Variants in SLC13A3 observed in about 807,000 individuals in gnomAD.
SLC13A3 encodes solute carrier family 13 member 3.
A neutral mutation model predicts 59.0 loss-of-function variants in SLC13A3; 40 were observed. That is an observed-to-expected ratio of 0.68 (90% CI 0.53 to 0.88). The LOEUF (loss-of-function observed/expected upper bound fraction) is 0.88. Among genes scored for constraint, SLC13A3 ranks in the 40% least tolerant of loss-of-function variants. SLC13A3 has a pLI of 0.00. For synonymous variants in SLC13A3, 317 were observed against 330.3 expected (o/e 0.96, Z 0.44); for missense variants, 699 against 783.2 (o/e 0.89, Z 1.28).
intron 1 of SLC13A3, among the ~76,000 whole-genome samples, chr20:46,627,999 A>G (rs1375941647): frequency 6.6e-6 from 1 of 152,180 alleles, no homozygotes; most frequent in Non-Finnish European, 1.5e-5. Context: ...AGGTGGATCC[A>G]TGATTTTACT....
intron 1 of SLC13A3, among the ~76,000 whole-genome samples, chr20:46,644,304 T>C (rs892862939): frequency 5.3e-5 from 8 of 152,144 alleles, no homozygotes; most frequent in African/African-American, 1.9e-4. Context: ...GCCTCAAACA[T>C]ATGAACCCAT....
intron 3 of SLC13A3, among the ~76,000 whole-genome samples, chr20:46,602,826 C>T (rs148714566): frequency 6.6e-6 from 1 of 152,082 alleles, no homozygotes; most frequent in African/African-American, 2.4e-5. Context: ...TCTCCCTATA[C>T]CTCAGTTCTT....
intron 10 of SLC13A3, among the ~76,000 whole-genome samples, chr20:46,569,123 A>G (rs1167801266): frequency 1.3e-5 from 2 of 152,174 alleles, no homozygotes; most frequent in Non-Finnish European, 2.9e-5. Context: ...AGCTAAGGCT[A>G]CAGGCACACA....
intron 1 of SLC13A3, among the ~76,000 whole-genome samples, chr20:46,639,272 G>A (rs965619979): frequency 1.3e-5 from 2 of 152,026 alleles, no homozygotes; most frequent in Non-Finnish European, 2.9e-5. Flanking sequence ...GACCAGACTG[G>A]CCAACATGGT....
intron 1 of SLC13A3, among the ~76,000 whole-genome samples, chr20:46,635,569 C>T (rs1164158465): frequency 6.6e-6 from 1 of 152,184 alleles, no homozygotes; most frequent in East Asian, 1.9e-4. Context: ...CTCTCATCCC[C>T]AACTCCCTCC....
In SLC13A3 at chr20:46,590,221, A is replaced by T. The variant is rs114133037; in HGVS notation, c.921-966T>A. Among the ~76,000 whole-genome samples, 486 of 152,352 alleles carry T rather than the reference A, an allele frequency of 3.2e-3. 4 individuals carry two copies. Among genetic ancestry groups the T allele is most frequent in the African/African-American group, 0.011 (452 of 41,588 alleles). On this transcript the variant is annotated intron_variant, in intron 6 of 12. Coordinates refer to ENST00000279027, the MANE Select transcript of SLC13A3 (RefSeq NM_022829.6). ...AGATTAGAGGTTTAAATGTAAAAAA[A>T]AATAATAATACTAGAAGAAAACATA...
chr20:46,644,382 A>C (rs1271726759), intron 1 of SLC13A3, among the ~76,000 whole-genome samples: 1 of 152,244 alleles, frequency 6.6e-6, no homozygotes, highest in African/African-American at 2.4e-5. Flanking sequence ...AAACTGAGGC[A>C]CGGGACTGAC....
chr20:46,616,896 T>G (rs1241889163), intron 1 of SLC13A3, among the ~76,000 whole-genome samples: 2 of 152,246 alleles, frequency 1.3e-5, no homozygotes, highest in Non-Finnish European at 2.9e-5. Context: ...GGGGCCTTCC[T>G]GAAGACATAC....
At chr20:46,571,191 G>A (rs560068665) in intron 10 of SLC13A3, among the ~76,000 whole-genome samples, 1 of 152,306 alleles carries the variant, frequency 6.6e-6, no homozygotes, top group South Asian at 2.1e-4. Context: ...CTTCCCACCA[G>A]GTCCCATGAC....
chr20:46,629,906 A>G (rs767956089), intron 1 of SLC13A3, among the ~76,000 whole-genome samples: 3 of 152,002 alleles, frequency 2.0e-5, no homozygotes, highest in Non-Finnish European at 4.4e-5. Flanking sequence ...TCTCCTTTCT[A>G]TTTTATGTTT....
At chr20:46,672,617 G>T (rs940493814), upstream of SLC13A3, among the ~76,000 whole-genome samples, 1 of 152,144 alleles carries the variant, frequency 6.6e-6, no homozygotes, top group South Asian at 2.1e-4. Flanking sequence ...CCCTCCTGAT[G>T]AACCTAGGTG....
chr20:46,627,637 A>G (rs1339736236), intron 1 of SLC13A3, among the ~76,000 whole-genome samples: 2 of 151,970 alleles, frequency 1.3e-5, no homozygotes, highest in Non-Finnish European at 2.9e-5. Context: ...AAAAAAAACT[A>G]CATCTGCAGG....
chr20:46,632,969 G>A (rs6094403), intron 1 of SLC13A3, among the ~76,000 whole-genome samples: 27 of 113,564 alleles, frequency 2.4e-4, no homozygotes, highest in African/African-American at 6.1e-4. Flanking sequence ...CTATCTATCT[G>A]TTTATGTATC....
intron 3 of SLC13A3, among the ~76,000 whole-genome samples, chr20:46,603,104 G>A (rs2062396481): frequency 6.6e-6 from 1 of 151,974 alleles, no homozygotes; most frequent in Non-Finnish European, 1.5e-5. Context: ...CTTGAACCCA[G>A]GAGGTGGAGG....
upstream of SLC13A3, among the ~76,000 whole-genome samples, chr20:46,674,396 A>G (rs1408141775): frequency 6.6e-6 from 1 of 152,018 alleles, no homozygotes; most frequent in Non-Finnish European, 1.5e-5. Flanking sequence ...CCTGGCCTGG[A>G]TCGTTGACTA....
At chr20:46,578,958 A>G (rs2062107408) in intron 9 of SLC13A3, among the ~76,000 whole-genome samples, 1 of 152,152 alleles carries the variant, frequency 6.6e-6, no homozygotes, top group African/African-American at 2.4e-5. Flanking sequence ...CCACAAGCAC[A>G]TAGTAGGTAC....
At chr20:46,624,980 G>A (rs1301356822) in intron 1 of SLC13A3, among the ~76,000 whole-genome samples, 2 of 152,172 alleles carry the variant, frequency 1.3e-5, no homozygotes, top group African/African-American at 2.4e-5. Flanking sequence ...TGAGAAGGGG[G>A]AGATCCTCTA....
At chr20:46,645,040 G>A (rs1454126236) in intron 1 of SLC13A3, among the ~76,000 whole-genome samples, 3 of 152,180 alleles carry the variant, frequency 2.0e-5, no homozygotes, top group Non-Finnish European at 4.4e-5. Context: ...CAAGGTGTTG[G>A]CCAGGCTGGT....
intron 1 of SLC13A3, among the ~76,000 whole-genome samples, chr20:46,643,800 T>C (rs2062868390): frequency 6.6e-6 from 1 of 152,118 alleles, no homozygotes; most frequent in African/African-American, 2.4e-5. Context: ...TCCCAGAATT[T>C]TAGGAGGCTG....
Sources: allele counts gnomAD v4.1 joint callset (sites outside exome capture counted in the v4.1 genomes callset), GRCh38; gene constraint gnomAD v4.1.1; transcripts MANE v1.5; gene names NCBI Gene and HGNC (gene_info 2026-07-23, HGNC 2026-07-21).